The following AGPAT1 variants were observed in gnomAD, a reference collection of about 807,000 sequenced individuals.
AGPAT1 encodes the protein 1-acylglycerol-3-phosphate O-acyltransferase 1.
AGPAT1 carries 6 observed loss-of-function variants against 31.2 expected under a neutral mutation model. The ratio of observed to expected loss-of-function variants is 0.19; its 90% confidence interval spans 0.11 to 0.38. The LOEUF (loss-of-function observed/expected upper bound fraction) is 0.38, where lower values mean the gene tolerates loss of function less well. Among genes scored for constraint, AGPAT1 ranks in the 10% least tolerant of loss-of-function variants. The pLI, the probability that AGPAT1 is intolerant of heterozygous loss-of-function variation, is 1.00. For synonymous variants in AGPAT1, 139 were observed against 154.0 expected, an observed-to-expected ratio of 0.90 and a Z score of 0.72; for missense variants, 187 against 377.8, an observed-to-expected ratio of 0.49 and a Z score of 4.19.
Position 32,169,920 on chromosome 6 carries a change from A to G in AGPAT1, c.679+46T>C, listed in dbSNP as rs756587227. The stretch of plus-strand genomic sequence containing the variant: ...CCCTGCCTCACAGGGATGTCCTCCC[A>G]GCCTCTCCGGACACACCCTACCCCA... On this transcript the variant is annotated intron_variant, in intron 6 of 6. Coordinates refer to ENST00000375107, the MANE Select transcript of AGPAT1 (RefSeq NM_006411.4). The surrounding 1 kb of genome is among the most constrained non-coding windows in gnomAD (Gnocchi z 5.9). The G allele has an allele frequency of 1.9e-6, 3 of 1,546,148 alleles. No homozygotes were observed. Among genetic ancestry groups the G allele is most frequent in the Non-Finnish European group, 2.7e-6 (3 of 1,121,526 alleles).
chr6:32,169,164 G>T lies in AGPAT1; in HGVS notation c.*112C>A, dbSNP rs912534556. The T allele has an allele frequency of 2.1e-5, 24 of 1,148,584 alleles. No individual in the cohort carries two copies. The highest frequency in any genetic ancestry group is 2.4e-5 in the Non-Finnish European group (19 of 798,266). 71.1% of individuals were successfully genotyped at this position (1,148,584 alleles called of 1,614,324 possible). A position where few individuals can be genotyped will look rare whatever the true frequency, so the allele number is the denominator to read the frequency against. ...TTGAAGATTCCAAAGAGGAGAATAA[G>T]TGGGGAGAGGGGAGACAAGGAAGAG... is the stretch of plus-strand genomic sequence containing the variant. On this transcript the variant is annotated 3_prime_UTR_variant, in exon 7 of 7. Coordinates refer to ENST00000375107, the MANE Select transcript of AGPAT1 (RefSeq NM_006411.4). This position sits in a 1 kb window ranked among gnomAD's most constrained non-coding sequence, Gnocchi z 5.9.
Position 32,173,192 on chromosome 6 carries a change from T to C in AGPAT1, c.-9-1687A>G, listed in dbSNP as rs1210457013. On this transcript the variant is annotated intron_variant, in intron 1 of 6. Transcript: ENST00000375107. This position sits in a 1 kb window ranked among gnomAD's most constrained non-coding sequence, Gnocchi z 4.7. ...CTCCTTCCTCCACTCTGCCCCAGTGTTGGGGGCAGGGTAACAATTCACAAA... is the reference window on the plus strand; with the variant it reads ...CTCCTTCCTCCACTCTGCCCCAGTGCTGGGGGCAGGGTAACAATTCACAAA... 1.3e-5 allele frequency: 2 copies of C among 152,222 alleles called. No individual in the cohort carries two copies. The highest frequency in any genetic ancestry group is 6.5e-5 in the Admixed American group (1 of 15,282). 9.4% of individuals were successfully genotyped at this position (152,222 alleles called of 1,614,324 possible).
Position 32,171,447 on chromosome 6 carries a change from A to G in AGPAT1, c.50T>C (p.Leu17Pro), listed in dbSNP as rs1487514646. The change falls in exon 2 of 7, where the codon CTG becomes CCG. Residue 17 changes from leucine to proline, a missense_variant. Coordinates refer to ENST00000375107, the MANE Select transcript of AGPAT1 (RefSeq NM_006411.4). This position sits in a 1 kb window ranked among gnomAD's most constrained non-coding sequence, Gnocchi z 6.9. Reference sequence around the variant, plus strand: ...CAGGGTGGGCAGCAGGAAGAGCAGCAGCAGGAAGAGCAGCAGCAGCAGCAT... The same window carrying G: ...CAGGGTGGGCAGCAGGAAGAGCAGCGGCAGGAAGAGCAGCAGCAGCAGCAT... Reference protein sequence around the residue: ...AWMLLLLLFLLLLFLLPTLWF... With the variant: ...AWMLLLLLFLPLLFLLPTLWF... The G allele has an allele frequency of 6.2e-7, 1 of 1,612,090 alleles. No homozygotes were observed. The highest frequency in any genetic ancestry group is 1.1e-5 in the South Asian group (1 of 91,044).
In AGPAT1 at chr6:32,176,026, G is replaced by C; in HGVS notation, c.-222C>G. 1.0e-6 allele frequency: 1 copy of C among 983,836 alleles called. No homozygotes were observed. Among genetic ancestry groups the C allele is most frequent in the Non-Finnish European group, 1.2e-6 (1 of 828,618 alleles). The allele number at this position is 983,836 out of a possible 1,614,324, so 60.9% of individuals were successfully genotyped here. On this transcript the variant is annotated 5_prime_UTR_variant, in exon 1 of 7. Transcript: ENST00000375107. ...GGAATGGTGGGGGGCTGTCCCCCCA[G>C]CACCCTCCCTCCCTCCCTTTCTGCT...
upstream of AGPAT1, chr6:32,176,393 A>T: frequency 1.4e-6 from 1 of 691,252 alleles, no homozygotes; most frequent in South Asian, 6.5e-5. Context: ...TGCCACTTTT[A>T]CTTGGTCTCT....
rs1196233369 is a variant in AGPAT1 at position 32,170,916 on chromosome 6, T to G, written c.334+21A>C. The G allele has an allele frequency of 6.3e-7, 1 of 1,599,096 alleles. No individual in the cohort carries two copies. Among genetic ancestry groups the G allele is most frequent in the Non-Finnish European group, 8.5e-7 (1 of 1,169,946 alleles). On this transcript the variant is annotated intron_variant, in intron 3 of 6. Transcript: ENST00000375107. This position sits in a 1 kb window ranked among gnomAD's most constrained non-coding sequence, Gnocchi z 7.7. Reference sequence around the variant, plus strand: ...AGGGGAGGCATGGCTGGGGGAGGTGTGCCCTGTGGTGGGGTCTCACCAAGC... The same window carrying G: ...AGGGGAGGCATGGCTGGGGGAGGTGGGCCCTGTGGTGGGGTCTCACCAAGC...
Position 32,169,875 on chromosome 6 carries a change from G to T in AGPAT1, c.679+91C>A. ...TAGATGACTGTGTAGACATCTCATG[G>T]CTCTGACACTGAATGATCCCCCTGC... On this transcript the variant is annotated intron_variant, in intron 6 of 6. Transcript: ENST00000375107. The surrounding 1 kb of genome is among the most constrained non-coding windows in gnomAD (Gnocchi z 5.9). 1 of 1,187,336 alleles carries T rather than the reference G, an allele frequency of 8.4e-7. No individual in the cohort carries two copies. Among genetic ancestry groups the T allele is most frequent in the Non-Finnish European group, 1.2e-6 (1 of 812,056 alleles). 73.6% of individuals were successfully genotyped at this position (1,187,336 alleles called of 1,614,324 possible). A position where few individuals can be genotyped will look rare whatever the true frequency, so the allele number is the denominator to read the frequency against.
At chr6:32,177,620 T>C (rs1336984661), upstream of AGPAT1, 1 of 152,150 alleles carries the variant, frequency 6.6e-6, no homozygotes, top group East Asian at 1.9e-4. Context: ...GTTCCCACTA[T>C]CCAAACGTCG....
chr6:32,170,475 C>T lies in AGPAT1; in HGVS notation c.460G>A (p.Asp154Asn), dbSNP rs995632838. ...ACCTCAGACATGACACTGATGGCAT[C>T]CCCCGTGCGCTTCCGGTCGATGAAG... ...VIFIDRKRTG[D>N]AISVMSEVAQ... The change falls in exon 4 of 7, where the codon GAT becomes AAT. Residue 154 changes from aspartate (D) to asparagine (N), a missense_variant. Physicochemically the swap from Asp to Asn is conservative, Grantham distance 23 (BLOSUM62 1). Around this residue, in one of 3 missense-constraint regions of AGPAT1, gnomAD observed 113 missense variants for 283.1 expected, o/e 0.40. Transcript: ENST00000375107. The surrounding 1 kb of genome is among the most constrained non-coding windows in gnomAD (Gnocchi z 7.7). 2 of 1,613,134 alleles carry T rather than the reference C, an allele frequency of 1.2e-6. No individual in the cohort carries two copies. Among genetic ancestry groups the T allele is most frequent in the Admixed American group, 1.7e-5 (1 of 60,034 alleles).
At position 32,169,061 on chromosome 6, in the gene AGPAT1, G is replaced by A. The variant is rs1061807; in HGVS notation, c.*215C>T. The A allele has an allele frequency of 0.24, 139,734 of 590,376 alleles. 19,352 individuals carry two copies. Among genetic ancestry groups the A allele is most frequent in the Middle Eastern group, 0.35 (773 of 2,210 alleles). The allele number at this position is 590,376 out of a possible 1,614,324, so 36.6% of individuals were successfully genotyped here. A position where few individuals can be genotyped will look rare whatever the true frequency, so the allele number is the denominator to read the frequency against. On this transcript the variant is annotated 3_prime_UTR_variant, in exon 7 of 7. Coordinates refer to ENST00000375107, the MANE Select transcript of AGPAT1 (RefSeq NM_006411.4). This position sits in a 1 kb window ranked among gnomAD's most constrained non-coding sequence, Gnocchi z 5.9. ...GTAGGAGGTGGGGGTCAAGAGTGGA[G>A]ACTGCACCGAGGCAAGAGTCCATGG... is the stretch of plus-strand genomic sequence containing the variant.
chr6:32,176,567 T>G (rs1785583103), upstream of AGPAT1: 1 of 980,576 alleles, frequency 1.0e-6, no homozygotes, highest in Non-Finnish European at 1.2e-6. Context: ...TCCATCTCAC[T>G]CCATCTCACT....
At chr6:32,176,176 C>T (rs1785536835), upstream of AGPAT1, 6 of 982,076 alleles carry the variant, frequency 6.1e-6, no homozygotes, top group South Asian at 1.4e-4. Flanking sequence ...TGCCAATCGT[C>T]TCCCAGAAAC....
chr6:32,170,878 G>A lies in AGPAT1; in HGVS notation c.334+59C>T. The A allele has an allele frequency of 6.4e-7, 1 of 1,570,692 alleles. No individual in the cohort carries two copies. Among genetic ancestry groups the A allele is most frequent in the South Asian group, 1.1e-5 (1 of 87,382 alleles). The stretch of plus-strand genomic sequence containing the variant: ...GGATCTCTAGGAGAAGATATTCTAG[G>A]GAAGGTTTCAGGAGGGGAGGCATGG... On this transcript the variant is annotated intron_variant, in intron 3 of 6. Transcript: ENST00000375107. This position sits in a 1 kb window ranked among gnomAD's most constrained non-coding sequence, Gnocchi z 7.7.
At position 32,169,349 on chromosome 6, in the gene AGPAT1, G is replaced by C; in HGVS notation, c.779C>G (p.Thr260Ser). The C allele has an allele frequency of 6.2e-7, 1 of 1,613,010 alleles. No homozygotes were observed. Residue 260 changes from threonine to serine, a missense_variant, in exon 7 of 7, where the codon ACT becomes AGT. Physicochemically the swap from Thr to Ser is moderately conservative, Grantham distance 58. Transcript: ENST00000375107. This position sits in a 1 kb window ranked among gnomAD's most constrained non-coding sequence, Gnocchi z 5.9. ...ATCAGTGGAGATTTCCCGGAAAACAGTGAGCATGGAGTGCCGGACTCTGTC... is the reference window on the plus strand; with the variant it reads ...ATCAGTGGAGATTTCCCGGAAAACACTGAGCATGGAGTGCCGGACTCTGTC... ...LADRVRHSML[T>S]VFREISTDGR...
In AGPAT1 at chr6:32,171,804, T is replaced by A. The variant is rs939605048; in HGVS notation, c.-9-299A>T. On this transcript the variant is annotated intron_variant, in intron 1 of 6. Coordinates refer to ENST00000375107, the MANE Select transcript of AGPAT1 (RefSeq NM_006411.4). This position sits in a 1 kb window ranked among gnomAD's most constrained non-coding sequence, Gnocchi z 6.9. ...ACCTGATAATAAATGACAACAAGAA[T>A]AATAGCTAACACTTGTAGCTGGTAA... 2.9e-5 allele frequency: 16 copies of A among 547,836 alleles called. No individual in the cohort carries two copies. The highest frequency in any genetic ancestry group is 5.2e-5 in the Non-Finnish European group (16 of 305,928). 33.9% of individuals were successfully genotyped at this position (547,836 alleles called of 1,614,324 possible). A position where few individuals can be genotyped will look rare whatever the true frequency, so the allele number is the denominator to read the frequency against.
rs1167909815 is a variant in AGPAT1 at position 32,169,528 on chromosome 6, C to A, written c.680-80G>T. ...TGGGGCCCAGCTTCCGAGTGATACT[C>A]TTCCTCAACCTTTCAGTTCTCTTCC... On this transcript the variant is annotated intron_variant, in intron 6 of 6. Transcript: ENST00000375107. This position sits in a 1 kb window ranked among gnomAD's most constrained non-coding sequence, Gnocchi z 5.9. 3.3e-6 allele frequency: 5 copies of A among 1,518,910 alleles called. No individual in the cohort carries two copies. The Admixed American group carries it at 8.8e-5, about 27-fold the overall frequency. 94.1% of individuals were successfully genotyped at this position (1,518,910 alleles called of 1,614,324 possible).
Position 32,171,723 on chromosome 6 carries a change from G to A in AGPAT1, c.-9-218C>T. 1.6e-6 allele frequency: 1 copy of A among 613,088 alleles called. No individual in the cohort carries two copies. The highest frequency in any genetic ancestry group is 2.0e-5 in the South Asian group (1 of 50,114). The allele number at this position is 613,088 out of a possible 1,614,324, so 38.0% of individuals were successfully genotyped here. On this transcript the variant is annotated intron_variant, in intron 1 of 6. Transcript: ENST00000375107. This position sits in a 1 kb window ranked among gnomAD's most constrained non-coding sequence, Gnocchi z 6.9. Reference sequence around the variant, plus strand: ...TGCTCTCCCACCACTCTTCCCAAAGGCTCCGGATATATTCAGACAAGAGAC... The same window carrying A: ...TGCTCTCCCACCACTCTTCCCAAAGACTCCGGATATATTCAGACAAGAGAC...
chr6:32,169,629 A>C lies in AGPAT1; in HGVS notation c.680-181T>G. ...CCTTCTCCTATACAAAGCCTTCTCC[A>C]ATCCCCAGTTCAGACATCTCCTCAG... On this transcript the variant is annotated intron_variant, in intron 6 of 6. Transcript: ENST00000375107. The surrounding 1 kb of genome is among the most constrained non-coding windows in gnomAD (Gnocchi z 5.9). 2 of 713,704 alleles carry C rather than the reference A, an allele frequency of 2.8e-6. No individual in the cohort carries two copies. The highest frequency in any genetic ancestry group is 1.9e-5 in the South Asian group (1 of 52,956). 44.2% of individuals were successfully genotyped at this position (713,704 alleles called of 1,614,324 possible).
chr6:32,169,463 G>T lies in AGPAT1; in HGVS notation c.680-15C>A. 6.2e-7 allele frequency: 1 copy of T among 1,611,814 alleles called. No homozygotes were observed. The highest frequency in any genetic ancestry group is 8.5e-7 in the Non-Finnish European group (1 of 1,179,634). ...CTGACATTGTCCTGGGGCAAGGGGA[G>T]CACCATCATGGCCTGTCCACCCAGG... On this transcript the variant is annotated splice_polypyrimidine_tract_variant and intron_variant, in intron 6 of 6. Coordinates refer to ENST00000375107, the MANE Select transcript of AGPAT1 (RefSeq NM_006411.4). This position sits in a 1 kb window ranked among gnomAD's most constrained non-coding sequence, Gnocchi z 5.9.
Sources: allele counts gnomAD v4.1 joint callset, GRCh38; gene constraint gnomAD v4.1.1; regional missense constraint gnomAD v4.1.1; non-coding constraint Gnocchi (gnomAD v3.1); transcripts MANE v1.5; gene names NCBI Gene and HGNC (gene_info 2026-07-23, HGNC 2026-07-21).